The following RASGEF1A variants were observed in gnomAD, a reference collection of about 807,000 sequenced individuals.
The protein encoded by RASGEF1A is RasGEF domain family member 1A, also known as ras-GEF domain-containing family member 1A.
In RASGEF1A, 18 loss-of-function variants were observed where a neutral mutation model predicts 56.4. The ratio of observed to expected loss-of-function variants is 0.32; its 90% CI spans 0.22 to 0.47. RASGEF1A has a LOEUF of 0.47. RASGEF1A is among the 20% of genes least tolerant of loss of function. The pLI, the probability that RASGEF1A is intolerant of heterozygous loss-of-function variation, is 1.00. For synonymous variants in RASGEF1A, 245 were observed against 242.6 expected (o/e 1.01, Z -0.09); for missense variants, 422 against 627.1 (o/e 0.67, Z 3.49).
intron 9 of RASGEF1A, among the ~76,000 whole-genome samples, 179 bp from the exon 10 acceptor site, chr10:43,198,374 G>A (rs539549590): frequency 2.0e-5 from 3 of 152,294 alleles, no homozygotes; most frequent in Admixed American, 2.0e-4. Context: ...CTGGGGCCAG[G>A]GCTTCTGAGT....
chr10:43,233,618 T>C (rs550581319), intron 1 of RASGEF1A, among the ~76,000 whole-genome samples: 1 of 152,148 alleles, frequency 6.6e-6, no homozygotes, highest in South Asian at 2.1e-4. Flanking sequence ...AGGCAGAAAA[T>C]GCCACGTGCT....
chr10:43,209,153 C>T, intron 1 of RASGEF1A: 1 of 985,522 alleles, frequency 1.0e-6, no homozygotes, highest in Non-Finnish European at 1.2e-6. Flanking sequence ...ACACTGGGCT[C>T]TTGGCTCCAG....
chr10:43,267,045 G>GCGAA lies in RASGEF1A; in HGVS notation c.-211_-208dup, dbSNP rs1235664371. 6.7e-6 allele frequency: 1 copy of GCGAA among 149,934 alleles called. No individual in the cohort carries two copies. The highest frequency in any genetic ancestry group is 2.4e-5 in the African/African-American group (1 of 41,058). The allele number at this position is 149,934 out of a possible 1,614,324, so 9.3% of individuals were successfully genotyped here. On this transcript the variant is annotated 5_prime_UTR_variant, in exon 1 of 13. Coordinates refer to ENST00000395810, the MANE Select transcript of RASGEF1A (RefSeq NM_145313.4). ...GGCGCCGGGGAGCGCGAGCGAGCGA[G>GCGAA]CGAACGAGCGAGCGCGGAGCGAGCG...
chr10:43,199,040 G>A, intron 8 of RASGEF1A, 28 bp from the exon 9 acceptor site: 1 of 1,598,760 alleles, frequency 6.3e-7, no homozygotes, highest in South Asian at 1.1e-5. Context: ...TAGGGTCAGG[G>A]CCGGGGGGGT....
At position 43,206,085 on chromosome 10, in the gene RASGEF1A, A is replaced by T; in HGVS notation, c.32T>A (p.Ile11Asn). The change falls in exon 2 of 13, where the codon ATC becomes AAC. Residue 11 changes from isoleucine to asparagine, a missense_variant. Ile to Asn is a moderately radical substitution (Grantham distance 149). This residue lies in a region of RASGEF1A where 273 missense variants were observed against 339.9 expected (regional missense o/e 0.80). Transcript: ENST00000395810. MPQTSVVFSS[I>N]LGPSCSGQVQ... Reference sequence around the variant, plus strand: ...CTGTCCGCTACAGCTGGGCCCAAGGATGCTGGAGAAGACAACGGACGTCTG... The same window carrying T: ...CTGTCCGCTACAGCTGGGCCCAAGGTTGCTGGAGAAGACAACGGACGTCTG... 1 of 1,600,836 alleles carries T rather than the reference A, an allele frequency of 6.2e-7. No individual in the cohort carries two copies. The highest frequency in any genetic ancestry group is 8.5e-7 in the Non-Finnish European group (1 of 1,174,220).
chr10:43,266,292 CA>C (rs1242103936), intron 1 of RASGEF1A, among the ~76,000 whole-genome samples: 2 of 152,194 alleles, frequency 1.3e-5, no homozygotes, highest in Non-Finnish European at 2.9e-5. Context: ...CCTTGCCCAG[CA>C]GGGAGAGGGA....
At chr10:43,228,089 C>A (rs1840306199) in intron 1 of RASGEF1A, among the ~76,000 whole-genome samples, 1 of 152,116 alleles carries the variant, frequency 6.6e-6, no homozygotes, top group South Asian at 2.1e-4. Flanking sequence ...AGCCCCGTCA[C>A]CCCCACTGGC....
chr10:43,242,625 T>C (rs1193259115), intron 1 of RASGEF1A, among the ~76,000 whole-genome samples: 1 of 151,492 alleles, frequency 6.6e-6, no homozygotes, highest in Non-Finnish European at 1.5e-5. Context: ...CTCCCTGCCT[T>C]GGGCTCCGGT....
intron 1 of RASGEF1A, among the ~76,000 whole-genome samples, chr10:43,238,298 T>C (rs909650712): frequency 2.0e-5 from 3 of 152,052 alleles, no homozygotes; most frequent in East Asian, 3.9e-4. Context: ...GTATCGCAGA[T>C]TGAGACCTGT....
rs995648563 is a variant in RASGEF1A at position 43,263,205 on chromosome 10, T to G, written c.-7+3640A>C. Among the ~76,000 whole-genome samples the G allele has an allele frequency of 1.1e-4, 17 of 152,002 alleles. No homozygotes were observed. The South Asian group carries it at 2.7e-3, about 24-fold the overall frequency. On this transcript the variant is annotated intron_variant, in intron 1 of 12. Transcript: ENST00000395810. ...TCTTGAGGAACAGGGACTTTGAGTG[T>G]CCCAGGATGGGAGGAGGAGAACCAG...
intron 1 of RASGEF1A, among the ~76,000 whole-genome samples, chr10:43,222,081 C>T (rs934105707): frequency 5.9e-5 from 9 of 152,156 alleles, no homozygotes; most frequent in Non-Finnish European, 1.2e-4. Flanking sequence ...ACCCAGGCTC[C>T]GTGGTACAGC....
At position 43,194,785 on chromosome 10, in the gene RASGEF1A, C is replaced by T. The variant is rs1028563781; in HGVS notation, c.*1459G>A. On this transcript the variant is annotated 3_prime_UTR_variant, in exon 13 of 13. Coordinates refer to ENST00000395810, the MANE Select transcript of RASGEF1A (RefSeq NM_145313.4). ...TAAGGCTGTATTCCAAATATATATT[C>T]TCAAGTTTTAAGCCTTTCTCATCTC... The T allele has an allele frequency of 2.0e-4, 31 of 152,598 alleles. No individual in the cohort carries two copies. The highest frequency in any genetic ancestry group is 4.0e-4 in the Non-Finnish European group (27 of 68,062). The allele number at this position is 152,598 out of a possible 1,614,324, so 9.5% of individuals were successfully genotyped here.
chr10:43,197,894 C>T, intron 10 of RASGEF1A, 110 bp downstream of exon 10: 2 of 950,212 alleles, frequency 2.1e-6, no homozygotes, highest in Admixed American at 2.3e-5. Context: ...CCTTGTGAAC[C>T]TCAGGCAGGG....
chr10:43,213,666 G>T (rs978318469), intron 1 of RASGEF1A, among the ~76,000 whole-genome samples: 5 of 152,166 alleles, frequency 3.3e-5, no homozygotes, highest in African/African-American at 1.2e-4. Flanking sequence ...TTGCTCTGTG[G>T]CCCAGGCTGG....
chr10:43,263,724 G>C (rs1211784619), intron 1 of RASGEF1A, among the ~76,000 whole-genome samples: 2 of 152,170 alleles, frequency 1.3e-5, no homozygotes, highest in Non-Finnish European at 2.9e-5. Context: ...GGCAACCACA[G>C]GTGGGGAGAA....
At chr10:43,217,322 CCT>C (rs1270605877) in intron 1 of RASGEF1A, among the ~76,000 whole-genome samples, 1 of 152,206 alleles carries the variant, frequency 6.6e-6, no homozygotes, top group Non-Finnish European at 1.5e-5. Flanking sequence ...CTCTAACACC[CCT>C]GTCCTGGTGA....
intron 1 of RASGEF1A, among the ~76,000 whole-genome samples, chr10:43,249,492 G>A (rs1019963368): frequency 2.6e-5 from 4 of 152,258 alleles, no homozygotes; most frequent in Non-Finnish European, 5.9e-5. Context: ...CAGTGCTGGT[G>A]ATTTGGCCAG....
chr10:43,258,025 G>A (rs1836454465), intron 1 of RASGEF1A, among the ~76,000 whole-genome samples: 1 of 152,206 alleles, frequency 6.6e-6, no homozygotes, highest in Admixed American at 6.5e-5. Flanking sequence ...AAACAACTAG[G>A]CTGGGCAGGT....
intron 1 of RASGEF1A, among the ~76,000 whole-genome samples, chr10:43,213,308 C>T (rs1840092928): frequency 1.3e-5 from 2 of 152,062 alleles, no homozygotes; most frequent in South Asian, 4.1e-4. Flanking sequence ...AGCACATAAC[C>T]CATGCATGTA....
Sources: allele counts gnomAD v4.1 joint callset (sites outside exome capture counted in the v4.1 genomes callset), GRCh38; gene constraint gnomAD v4.1.1; regional missense constraint gnomAD v4.1.1; transcripts MANE v1.5; gene names NCBI Gene and HGNC (gene_info 2026-07-23, HGNC 2026-07-21).